The following CAMK1D variants were observed in gnomAD, a reference collection of about 807,000 sequenced individuals.
CAMK1D encodes the protein calcium/calmodulin dependent protein kinase ID.
A neutral mutation model predicts 47.7 loss-of-function variants in CAMK1D; 9 were observed. The observed-to-expected ratio is 0.19, with a 90% CI of 0.11 to 0.33. CAMK1D has a LOEUF of 0.33. Among genes scored for constraint, CAMK1D ranks in the 10% least tolerant of loss-of-function variants. The pLI, the probability that CAMK1D is intolerant of heterozygous loss-of-function variation, is 1.00. For synonymous variants in CAMK1D, 184 were observed against 184.9 expected, an observed-to-expected ratio of 0.99 and a Z score of 0.04; for missense variants, 291 against 488.7, an observed-to-expected ratio of 0.60 and a Z score of 3.81.
At chr10:12,463,134 T>TC (rs1833486379) in intron 1 of CAMK1D, among the ~76,000 whole-genome samples, 1 of 151,834 alleles carries the variant, frequency 6.6e-6, no homozygotes, top group Non-Finnish European at 1.5e-5. Flanking sequence ...CTAAGAGTTT[T>TC]TTTTTTTTTT....
intron 5 of CAMK1D, among the ~76,000 whole-genome samples, chr10:12,784,196 G>GTTT: frequency 9.2e-6 from 1 of 108,978 alleles, no homozygotes; most frequent in African/African-American, 3.3e-5. Flanking sequence ...TGGAGAAAAG[G>GTTT]TATTTTTTTT....
intron 5 of CAMK1D, among the ~76,000 whole-genome samples, chr10:12,783,392 G>T (rs1837586267): frequency 6.6e-6 from 1 of 152,192 alleles, no homozygotes; most frequent in Non-Finnish European, 1.5e-5. Flanking sequence ...CCCACTGGAG[G>T]GGTCATGTGT....
chr10:12,710,973 G>A (rs140670326), intron 3 of CAMK1D, among the ~76,000 whole-genome samples: 1 of 152,242 alleles, frequency 6.6e-6, no homozygotes. Context: ...GTGGATTAAG[G>A]TTTTGAATGT....
intron 3 of CAMK1D, among the ~76,000 whole-genome samples, chr10:12,733,767 C>T (rs922143599): frequency 6.6e-6 from 1 of 151,662 alleles, no homozygotes; most frequent in Admixed American, 6.6e-5. Context: ...TCAAATGGTT[C>T]GATGGTTCCT....
At chr10:12,596,809 C>T (rs142760482) in intron 2 of CAMK1D, among the ~76,000 whole-genome samples, 234 of 152,232 alleles carry the variant, frequency 1.5e-3, no homozygotes, top group African/African-American at 5.5e-3. Flanking sequence ...GGCCTCCAGT[C>T]CCCCTTTCCC....
intron 3 of CAMK1D, among the ~76,000 whole-genome samples, chr10:12,732,262 A>G (rs1834921121): frequency 6.6e-6 from 1 of 152,032 alleles, no homozygotes; most frequent in Non-Finnish European, 1.5e-5. Flanking sequence ...ATAAATAACA[A>G]ATACCTGAGA....
chr10:12,477,353 T>G (rs976773518), intron 1 of CAMK1D, among the ~76,000 whole-genome samples: 2 of 152,042 alleles, frequency 1.3e-5, no homozygotes, highest in African/African-American at 4.8e-5. Flanking sequence ...AGGCGGAGGT[T>G]GGAGTGAGCC....
chr10:12,811,247 A>C (rs1410250544), intron 6 of CAMK1D, among the ~76,000 whole-genome samples: 1 of 152,226 alleles, frequency 6.6e-6, no homozygotes, highest in Non-Finnish European at 1.5e-5. Context: ...ACACTTCTGG[A>C]ACATTCGTTA....
intron 1 of CAMK1D, among the ~76,000 whole-genome samples, chr10:12,526,698 G>A (rs761343839): frequency 4.6e-5 from 7 of 151,924 alleles, no homozygotes; most frequent in Admixed American, 6.6e-5. Flanking sequence ...TAGGTGGATC[G>A]CCTGAGCCCA....
At chr10:12,521,468 T>C (rs1835413694) in intron 1 of CAMK1D, among the ~76,000 whole-genome samples, 1 of 152,206 alleles carries the variant, frequency 6.6e-6, no homozygotes. Flanking sequence ...ACATACTTTG[T>C]GATTTTTTTT....
At chr10:12,510,839 A>G (rs1054907842) in intron 1 of CAMK1D, among the ~76,000 whole-genome samples, 4 of 152,230 alleles carry the variant, frequency 2.6e-5, no homozygotes, top group African/African-American at 9.6e-5. Context: ...AAATGAATGC[A>G]GATCGACAAG....
intron 3 of CAMK1D, among the ~76,000 whole-genome samples, chr10:12,675,886 A>C (rs1588771558): frequency 6.6e-6 from 1 of 152,050 alleles, no homozygotes; most frequent in Admixed American, 6.6e-5. Flanking sequence ...CAGTACTGCC[A>C]CAGGGCCCTT....
chr10:12,430,297 G>A (rs186342656), intron 1 of CAMK1D, among the ~76,000 whole-genome samples: 7 of 152,204 alleles, frequency 4.6e-5, no homozygotes, highest in Admixed American at 4.6e-4. Context: ...AAATGAACAC[G>A]ATCCGCTCTC....
intron 2 of CAMK1D, among the ~76,000 whole-genome samples, chr10:12,610,043 C>G (rs1564443308): frequency 6.6e-6 from 1 of 152,160 alleles, no homozygotes. Context: ...TAACAACGGG[C>G]TCTTGGGGCA....
chr10:12,438,302 A>C (rs1452395768), intron 1 of CAMK1D, among the ~76,000 whole-genome samples: 1 of 152,196 alleles, frequency 6.6e-6, no homozygotes, highest in African/African-American at 2.4e-5. Context: ...TCCTTGGAGA[A>C]GGACCACATG....
chr10:12,477,182 G>A (rs1029701068), intron 1 of CAMK1D, among the ~76,000 whole-genome samples: 9 of 152,260 alleles, frequency 5.9e-5, no homozygotes, highest in East Asian at 3.9e-4. Context: ...TTGGGAGGCC[G>A]AGGCGGGCAG....
At chr10:12,426,473 C>T (rs570175411) in intron 1 of CAMK1D, among the ~76,000 whole-genome samples, 9 of 152,170 alleles carry the variant, frequency 5.9e-5, no homozygotes, top group East Asian at 3.9e-4. Flanking sequence ...CTTGAACTCC[C>T]GACCTCAGCT....
At chr10:12,715,921 G>A (rs929024253) in intron 3 of CAMK1D, among the ~76,000 whole-genome samples, 5 of 151,812 alleles carry the variant, frequency 3.3e-5, no homozygotes, top group Non-Finnish European at 7.4e-5. Context: ...TGTTGGCCAG[G>A]CTGGTCTCAA....
Position 12,420,389 on chromosome 10 carries a change from T to A in CAMK1D, c.92+70479T>A, listed in dbSNP as rs549097535. Among the ~76,000 whole-genome samples, 111 of 152,358 alleles carry A rather than the reference T, an allele frequency of 7.3e-4. 1 individual carries two copies. Among genetic ancestry groups the A allele is most frequent in the Middle Eastern group, 6.8e-3 (2 of 294 alleles). On this transcript the variant is annotated intron_variant, in intron 1 of 10. Transcript: ENST00000619168. ...ATGAATGAACTTTAATGATTTTACTTTAATAGTTCTTACTACTTTATGAAT... is the reference window on the plus strand; with the variant it reads ...ATGAATGAACTTTAATGATTTTACTATAATAGTTCTTACTACTTTATGAAT...
Sources: allele counts gnomAD v4.1 joint callset (sites outside exome capture counted in the v4.1 genomes callset), GRCh38; gene constraint gnomAD v4.1.1; transcripts MANE v1.5; gene names NCBI Gene and HGNC (gene_info 2026-07-23, HGNC 2026-07-21).